Variants in SOD2 observed in about 807,000 individuals in gnomAD.
SOD2 encodes the protein superoxide dismutase 2, also known as superoxide dismutase [Mn], mitochondrial.
Under a neutral mutation model 27.0 loss-of-function variants are expected in SOD2, and 11 were observed. That is an observed-to-expected ratio of 0.41 (90% CI 0.26 to 0.67). The LOEUF is 0.67. SOD2 is among the 30% of genes least tolerant of loss of function. The pLI is 0.34. For synonymous variants in SOD2, 105 were observed against 103.0 expected (o/e 1.02, Z -0.12); for missense variants, 250 against 274.5 (o/e 0.91, Z 0.63).
At chr6:159,726,823 G>A (rs1339553804) in intron 1 of SOD2, 2 of 1,289,194 alleles carry the variant, frequency 1.6e-6, no homozygotes, top group Middle Eastern at 2.1e-4. Flanking sequence ...GAGAGGGAAG[G>A]CATCGGTTTC....
chr6:159,755,937 G>T (rs899598617), intron 1 of SOD2: 13 of 245,700 alleles, frequency 5.3e-5, no homozygotes, highest in Non-Finnish European at 4.6e-5. Flanking sequence ...ACAACACAAT[G>T]ATGTCTGTAT....
chr6:159,695,826 G>A (rs1777412786), upstream of SOD2, among the ~76,000 whole-genome samples: 1 of 152,108 alleles, frequency 6.6e-6, no homozygotes, highest in Non-Finnish European at 1.5e-5. Flanking sequence ...CCACTGTAGA[G>A]GGTACTGAAT....
At chr6:159,685,667 ACC>A in intron 3 of SOD2, among the ~76,000 whole-genome samples, 1 of 113,024 alleles carries the variant, frequency 8.8e-6, no homozygotes, top group South Asian at 2.9e-4. Context: ...AACAGTTTTC[ACC>A]CCCCGTCCCC....
At position 159,680,926 on chromosome 6, in the gene SOD2, ACT is replaced by A. The variant is rs1350616563; in HGVS notation, c.*1565_*1566del. On this transcript the variant is annotated 3_prime_UTR_variant, in exon 5 of 5. Coordinates refer to ENST00000538183, the MANE Select transcript of SOD2 (RefSeq NM_000636.4). ...ACTCCAGCCTGGGCAACAGAGCAAG[ACT>A]CTGTCTCCAAAAAAAAAGAAAAAAA... 1 of 147,450 alleles carries A rather than the reference ACT, an allele frequency of 6.8e-6. No individual in the cohort carries two copies. The highest frequency in any genetic ancestry group is 2.5e-5 in the African/African-American group (1 of 40,156). 9.1% of individuals were successfully genotyped at this position (147,450 alleles called of 1,614,324 possible). A position where few individuals can be genotyped will look rare whatever the true frequency, so the allele number is the denominator to read the frequency against.
At chr6:159,739,249 A>G (rs1010782683) in intron 1 of SOD2, among the ~76,000 whole-genome samples, 8 of 152,310 alleles carry the variant, frequency 5.3e-5, no homozygotes, top group South Asian at 2.1e-4. Context: ...CTAGGAAGCT[A>G]TAAGTTTAAC....
exon 1 of SOD2, chr6:159,762,010 G>T: frequency 6.5e-7 from 1 of 1,547,634 alleles, no homozygotes; most frequent in South Asian, 1.1e-5. Flanking sequence ...TCCCGCCCGC[G>T]GCAGGCCTGT....
At chr6:159,741,237 T>C (rs886662135) in intron 1 of SOD2, among the ~76,000 whole-genome samples, 16 of 152,152 alleles carry the variant, frequency 1.1e-4, no homozygotes, top group Admixed American at 7.2e-4. Context: ...TAGAGAAGTA[T>C]AATGAAGAAC....
At chr6:159,744,747 G>A (rs911846) in intron 1 of SOD2, among the ~76,000 whole-genome samples, 32,066 of 151,866 alleles carry the variant, frequency 0.21, 3,531 homozygotes, top group East Asian at 0.4. Context: ...CTTGAGACAG[G>A]GCCTCTCTCT....
intron 1 of SOD2, chr6:159,726,442 A>C (rs1022188523): frequency 3.8e-5 from 7 of 184,116 alleles, no homozygotes; most frequent in Middle Eastern, 2.7e-3. Flanking sequence ...AAATCACCTT[A>C]CTACAAGACA....
upstream of SOD2, among the ~76,000 whole-genome samples, chr6:159,731,945 G>A (rs188878632): frequency 3.3e-4 from 50 of 151,716 alleles, no homozygotes; most frequent in African/African-American, 1.1e-3. Context: ...TATTTTAGTG[G>A]AATAAGAATA....
intron 1 of SOD2, among the ~76,000 whole-genome samples, chr6:159,738,028 A>T (rs1028360895): frequency 6.6e-6 from 1 of 152,222 alleles, no homozygotes; most frequent in African/African-American, 2.4e-5. Context: ...GACATCTCTA[A>T]TAACTGTGAA....
intron 1 of SOD2, among the ~76,000 whole-genome samples, chr6:159,757,243 T>C (rs992498197): frequency 6.6e-6 from 1 of 152,184 alleles, no homozygotes; most frequent in African/African-American, 2.4e-5. Context: ...ACATAACTTG[T>C]AATACAATCA....
At chr6:159,727,401 G>GAGGCGGT, upstream of SOD2, 1 of 1,208,308 alleles carries the variant, frequency 8.3e-7, no homozygotes, top group Non-Finnish European at 1.1e-6. Context: ...CGGGAGGCGG[G>GAGGCGGT]AGGCAGTGGC....
rs1779802985 is a variant in SOD2 at position 159,677,440 on chromosome 6, T to G, written c.*5053A>C. The stretch of plus-strand genomic sequence containing the variant: ...ACTTCACATCCCTTTCCAAATAGTA[T>G]GCCAGTACTATACCAAATAGTATAC... On this transcript the variant is annotated 3_prime_UTR_variant, in exon 5 of 5. Transcript: ENST00000538183. The G allele has an allele frequency of 6.6e-6, 1 of 152,224 alleles. No individual in the cohort carries two copies. The highest frequency in any genetic ancestry group is 2.1e-4 in the South Asian group (1 of 4,834). The allele number at this position is 152,224 out of a possible 1,614,324, so 9.4% of individuals were successfully genotyped here. A position where few individuals can be genotyped will look rare whatever the true frequency, so the allele number is the denominator to read the frequency against.
rs1357406722 is a variant in SOD2 at position 159,742,067 on chromosome 6, G to A, written c.-116+3063C>T. The A allele has an allele frequency of 4.5e-6, 7 of 1,551,600 alleles. No homozygotes were observed. In the African/African-American group the frequency reaches 6.9e-5, roughly 15 times the overall value. On this transcript the variant is annotated intron_variant, in intron 1 of 3. Coordinates refer to the SOD2 transcript ENST00000537657. ...AAACTATTTTATCGTAACAACTAAT[G>A]TATGGATTTTTTTTTATTAGATGGA...
chr6:159,741,885 C>T (rs920406411), intron 1 of SOD2: 6 of 440,394 alleles, frequency 1.4e-5, no homozygotes, highest in East Asian at 4.7e-5. Flanking sequence ...AGGGACATCG[C>T]TTGAGCCCAG....
intron 2 of SOD2, among the ~76,000 whole-genome samples, chr6:159,689,517 T>C (rs1780350537): frequency 6.6e-6 from 1 of 152,224 alleles, no homozygotes; most frequent in Admixed American, 6.5e-5. Context: ...ATGGAAATCC[T>C]CTTGTTTAAT....
Position 159,692,739 on chromosome 6 carries a change from G to C in SOD2, c.148C>G (p.His50Asp), listed in dbSNP as rs2114793234. 1 of 1,614,174 alleles carries C rather than the reference G, an allele frequency of 6.2e-7. No homozygotes were observed. The change falls in exon 2 of 5, where the codon CAC (histidine) becomes GAC (aspartate). Residue 50 changes from histidine to aspartate, a missense_variant. Physicochemically the swap from His to Asp is moderately conservative, Grantham distance 81. Coordinates refer to ENST00000538183, the MANE Select transcript of SOD2 (RefSeq NM_000636.4). ...PHINAQIMQL[H>D]HSKHHAAYVN... Reference sequence around the variant, plus strand: ...TAGGCCGCGTGGTGCTTGCTGTGGTGCAGCTGCATGATCTGCGCGTTGATG... The same window carrying C: ...TAGGCCGCGTGGTGCTTGCTGTGGTCCAGCTGCATGATCTGCGCGTTGATG...
chr6:159,727,730 G>A, upstream of SOD2: 5 of 985,506 alleles, frequency 5.1e-6, no homozygotes, highest in Non-Finnish European at 6.0e-6. Context: ...TGGCGGGAGC[G>A]GACGCGGGGG....
Sources: gnomAD v4.1 joint callset for allele counts (sites outside exome capture counted in the v4.1 genomes callset) on GRCh38, gnomAD v4.1.1 for gene constraint, MANE v1.5 for transcripts, NCBI Gene and HGNC (gene_info 2026-07-23, HGNC 2026-07-21) for gene names.